VSNL1: variants seen among roughly 807,000 people sequenced by gnomAD.
VSNL1 encodes the protein visinin-like protein 1.
A neutral mutation model predicts 20.4 loss-of-function variants in VSNL1; 6 were observed. The ratio of observed to expected loss-of-function variants is 0.29; its 90% CI spans 0.16 to 0.58. The LOEUF is 0.58. Ranked by LOEUF, VSNL1 falls within the 20% of genes least tolerant of loss-of-function variation. The pLI is 0.90. For synonymous variants in VSNL1, 93 were observed against 86.4 expected, an observed-to-expected ratio of 1.08 and a Z score of -0.42; for missense variants, 100 against 234.5, an observed-to-expected ratio of 0.43 and a Z score of 3.75.
At chr2:17,565,984 C>A (rs547841154) in intron 1 of VSNL1, among the ~76,000 whole-genome samples, 1 of 152,302 alleles carries the variant, frequency 6.6e-6, no homozygotes, top group South Asian at 2.1e-4. Flanking sequence ...GTGTTTGCTT[C>A]CCCTTCTGCT....
chr2:17,622,596 G>GA (rs1379175869), intron 2 of VSNL1, among the ~76,000 whole-genome samples: 3 of 128,866 alleles, frequency 2.3e-5, no homozygotes, highest in East Asian at 4.4e-4. Flanking sequence ...AAGAAAGAAA[G>GA]AAAGAAAAGA....
In VSNL1 at chr2:17,656,825, G is replaced by A. The variant is rs576077493; in HGVS notation, c.*1431G>A. On this transcript the variant is annotated 3_prime_UTR_variant, in exon 4 of 4. Transcript: ENST00000295156. ...ACTGAGCACTTCAAGTATGGCTAGCGTGACTAAGGAACTGAATTTTATACT... is the reference window on the plus strand; with the variant it reads ...ACTGAGCACTTCAAGTATGGCTAGCATGACTAAGGAACTGAATTTTATACT... 3 of 152,310 alleles carry A rather than the reference G, an allele frequency of 2.0e-5. No individual in the cohort carries two copies. The highest frequency in any genetic ancestry group is 4.8e-5 in the African/African-American group (2 of 41,562). The allele number at this position is 152,310 out of a possible 1,614,324, so 9.4% of individuals were successfully genotyped here. A position where few individuals can be genotyped will look rare whatever the true frequency, so the allele number is the denominator to read the frequency against.
chr2:17,591,987 G>T, intron 1 of VSNL1, 83 bp from the exon 2 acceptor site: 1 of 1,534,136 alleles, frequency 6.5e-7, no homozygotes. Flanking sequence ...CCATGGGACT[G>T]CTCAGAACTC....
intron 2 of VSNL1, among the ~76,000 whole-genome samples, chr2:17,630,646 T>C (rs927148108): frequency 5.3e-5 from 8 of 152,248 alleles, no homozygotes; most frequent in Admixed American, 5.2e-4. Context: ...ATTAAAATAT[T>C]TTATAAGCTT....
intron 2 of VSNL1, among the ~76,000 whole-genome samples, chr2:17,593,740 G>T (rs1664648771): frequency 6.6e-6 from 1 of 152,212 alleles, no homozygotes; most frequent in African/African-American, 2.4e-5. Context: ...CTATAGAAGT[G>T]CTGAGAAAGT....
intron 1 of VSNL1, among the ~76,000 whole-genome samples, chr2:17,545,852 T>TA (rs1377696829): frequency 6.6e-6 from 1 of 152,154 alleles, no homozygotes; most frequent in East Asian, 1.9e-4. Flanking sequence ...TCAGCTAACT[T>TA]AAAGTATGCA....
chr2:17,594,382 GA>G (rs914365081), intron 2 of VSNL1, among the ~76,000 whole-genome samples: 2 of 152,176 alleles, frequency 1.3e-5, no homozygotes, highest in Non-Finnish European at 1.5e-5. Flanking sequence ...TCCAAGGACA[GA>G]AAAAAACCGC....
chr2:17,562,647 T>C (rs1473620235), intron 1 of VSNL1, among the ~76,000 whole-genome samples: 1 of 152,178 alleles, frequency 6.6e-6, no homozygotes, highest in Non-Finnish European at 1.5e-5. Context: ...CAGATGTACC[T>C]ACCTCTAAAC....
At chr2:17,550,574 G>A (rs1489850048) in intron 1 of VSNL1, among the ~76,000 whole-genome samples, 1 of 152,112 alleles carries the variant, frequency 6.6e-6, no homozygotes, top group African/African-American at 2.4e-5. Flanking sequence ...TCATCCTACT[G>A]GGGTTAAGAG....
intron 2 of VSNL1, among the ~76,000 whole-genome samples, chr2:17,617,213 G>A (rs1222045855): frequency 2.0e-5 from 3 of 152,152 alleles, no homozygotes; most frequent in African/African-American, 7.2e-5. Flanking sequence ...AGCTTGAGAG[G>A]TCCCAGGCGA....
At chr2:17,621,012 T>C (rs1053354090) in intron 2 of VSNL1, among the ~76,000 whole-genome samples, 13 of 152,190 alleles carry the variant, frequency 8.5e-5, no homozygotes, top group Non-Finnish European at 4.4e-5. Flanking sequence ...AGCAAGTTAA[T>C]AGGAAAACTA....
rs1558307285 is a variant in VSNL1 at position 17,634,387 on chromosome 2, A to G, written c.163-15023A>G. Among the ~76,000 whole-genome samples, 1 of 152,182 alleles carries G rather than the reference A, an allele frequency of 6.6e-6. No individual in the cohort carries two copies. ...GAGGTCCTGGCAAGACTTGAGGCAA[A>G]GTTTGTTATGCAGTTGACCAGGAGA... is the stretch of plus-strand genomic sequence containing the variant. On this transcript the variant is annotated intron_variant, in intron 2 of 3. Coordinates refer to ENST00000295156, the MANE Select transcript of VSNL1 (RefSeq NM_003385.5). The surrounding 1 kb of genome is among the most constrained non-coding windows in gnomAD (Gnocchi z 4.3).
At chr2:17,617,321 C>G (rs1665241159) in intron 2 of VSNL1, among the ~76,000 whole-genome samples, 2 of 152,086 alleles carry the variant, frequency 1.3e-5, no homozygotes, top group African/African-American at 4.8e-5. Context: ...TTGGAAAAAC[C>G]CTGTCTTTAC....
At chr2:17,608,037 T>C (rs562201393) in intron 2 of VSNL1, among the ~76,000 whole-genome samples, 22 of 152,236 alleles carry the variant, frequency 1.4e-4, no homozygotes, top group Admixed American at 2.6e-4. Flanking sequence ...CCTTAAATAC[T>C]ATTTTCCCAA....
chr2:17,549,788 T>C (rs1663485163), intron 1 of VSNL1, among the ~76,000 whole-genome samples: 1 of 152,254 alleles, frequency 6.6e-6, no homozygotes, highest in Non-Finnish European at 1.5e-5. Context: ...TGATTAATTG[T>C]ATATTTCCAA....
intron 1 of VSNL1, among the ~76,000 whole-genome samples, chr2:17,555,159 C>A: frequency 6.6e-6 from 1 of 152,158 alleles, no homozygotes; most frequent in East Asian, 1.9e-4. Flanking sequence ...ATGGCAGAGG[C>A]TTGGGCCCTA....
chr2:17,592,296 A>G (rs1664608639), intron 2 of VSNL1, 60 bp downstream of exon 2: 1 of 1,546,792 alleles, frequency 6.5e-7, no homozygotes, highest in Admixed American at 1.7e-5. Flanking sequence ...CCTTCATGAA[A>G]TTGTACCCTC....
chr2:17,624,590 G>A (rs373983040), intron 2 of VSNL1, among the ~76,000 whole-genome samples: 10 of 152,172 alleles, frequency 6.6e-5, no homozygotes, highest in African/African-American at 2.4e-4. Flanking sequence ...GAAGGTTGGA[G>A]TGACTCAATG....
At chr2:17,577,813 C>T (rs566638966) in intron 1 of VSNL1, among the ~76,000 whole-genome samples, 2 of 152,318 alleles carry the variant, frequency 1.3e-5, no homozygotes, top group South Asian at 2.1e-4. Context: ...GTGGAAATAA[C>T]GGTTTTTGTC....
Sources: gnomAD v4.1 joint callset for allele counts (sites outside exome capture counted in the v4.1 genomes callset) on GRCh38, gnomAD v4.1.1 for gene constraint, Gnocchi (gnomAD v3.1) non-coding constraint, MANE v1.5 for transcripts, NCBI Gene and HGNC (gene_info 2026-07-23, HGNC 2026-07-21) for gene names.